Variants in MSL2 observed in about 807,000 individuals in gnomAD.
MSL2 encodes the protein E3 ubiquitin-protein ligase MSL2.
A neutral mutation model predicts 35.8 loss-of-function variants in MSL2; 2 were observed. That is an observed-to-expected ratio of 0.06 (90% CI 0.02 to 0.18). The LOEUF is 0.18. Ranked by LOEUF, MSL2 falls within the 10% of genes least tolerant of loss-of-function variation. The pLI, the probability that MSL2 is intolerant of heterozygous loss-of-function variation, is 1.00. For missense variants in MSL2, 523 were observed against 706.7 expected (o/e 0.74, Z 2.95); for synonymous variants, 296 against 255.7 (o/e 1.16, Z -1.50).
intron 1 of MSL2, among the ~76,000 whole-genome samples, chr3:136,188,262 C>T (rs932911429): frequency 6.6e-6 from 1 of 151,922 alleles, no homozygotes; most frequent in African/African-American, 2.4e-5. Context: ...GGTGAAACTC[C>T]GTGTCTACTA....
Position 136,149,174 on chromosome 3 carries a change from T to C in MSL2, c.*1973A>G, listed in dbSNP as rs1245501655. 1 of 151,832 alleles carries C rather than the reference T, an allele frequency of 6.6e-6. No individual in the cohort carries two copies. Among genetic ancestry groups the C allele is most frequent in the African/African-American group, 2.4e-5 (1 of 41,298 alleles). 9.4% of individuals were successfully genotyped at this position (151,832 alleles called of 1,614,324 possible). A position where few individuals can be genotyped will look rare whatever the true frequency, so the allele number is the denominator to read the frequency against. ...AAACTTGGGAAGCAATAAAGTACTCTATGAATTTTAAGATCATAATATTAG... is the reference window on the plus strand; with the variant it reads ...AAACTTGGGAAGCAATAAAGTACTCCATGAATTTTAAGATCATAATATTAG... On this transcript the variant is annotated 3_prime_UTR_variant, in exon 2 of 2. Coordinates refer to ENST00000309993, the MANE Select transcript of MSL2 (RefSeq NM_018133.4).
At position 136,185,955 on chromosome 3, in the gene MSL2, CA is replaced by C. The variant is rs923722457; in HGVS notation, c.142+9016del. Among the ~76,000 whole-genome samples the C allele has an allele frequency of 4.1e-4, 58 of 142,758 alleles. No homozygotes were observed. The East Asian group carries it at 5.1e-3, about 12-fold the overall frequency. The allele number at this position is 142,758 out of a possible 152,430, so 93.7% of individuals were successfully genotyped here. A position where few individuals can be genotyped will look rare whatever the true frequency, so the allele number is the denominator to read the frequency against. On this transcript the variant is annotated intron_variant, in intron 1 of 1. Coordinates refer to ENST00000309993, the MANE Select transcript of MSL2 (RefSeq NM_018133.4). The stretch of plus-strand genomic sequence containing the variant: ...AAGGTAACTTGGGGAAAATGGAAGC[CA>C]AAAAAAAAAATTGTTCTAAAAGAGG...
rs1939367498 is a variant in MSL2, at chr3:136,151,530, T to C, written c.1351A>G (p.Thr451Ala). ...TTTTCCTGGGGTTTTTTGTACACAG[T>C]CTTGGTAGGACTTCCTGGCATAAAA... ...HHFMPGSPTKTVYKKPQEKKG... is the reference protein window; with the variant it reads ...HHFMPGSPTKAVYKKPQEKKG... Residue 451 changes from threonine to alanine, a missense_variant, in exon 2 of 2, where the codon ACT (threonine) becomes GCT (alanine). Coordinates refer to ENST00000309993, the MANE Select transcript of MSL2 (RefSeq NM_018133.4). The surrounding 1 kb of genome is among the most constrained non-coding windows in gnomAD (Gnocchi z 5.2). 2.5e-6 allele frequency: 4 copies of C among 1,614,176 alleles called. No individual in the cohort carries two copies. Among genetic ancestry groups the C allele is most frequent in the Non-Finnish European group, 2.5e-6 (3 of 1,180,034 alleles).
rs1940826358 is a variant in MSL2, at chr3:136,195,769, G to A, written c.-656C>T. 1 of 985,010 alleles carries A rather than the reference G, an allele frequency of 1.0e-6. No homozygotes were observed. Among genetic ancestry groups the A allele is most frequent in the Non-Finnish European group, 1.2e-6 (1 of 829,812 alleles). 61.0% of individuals were successfully genotyped at this position (985,010 alleles called of 1,614,324 possible). A position where few individuals can be genotyped will look rare whatever the true frequency, so the allele number is the denominator to read the frequency against. ...TGCGCCCTGGCTCTCCGCCCCGTGG[G>A]TTGCAGCCCGCAGTTCCCCGAGGTG... On this transcript the variant is annotated 5_prime_UTR_variant, in exon 1 of 2. Transcript: ENST00000309993.
At chr3:136,162,380 G>T (rs1939733838) in intron 1 of MSL2, among the ~76,000 whole-genome samples, 1 of 151,280 alleles carries the variant, frequency 6.6e-6, no homozygotes, top group African/African-American at 2.4e-5. Context: ...TCAGGAGTTA[G>T]AAACCAGCCT....
At chr3:136,184,735 G>A (rs1186477566) in intron 1 of MSL2, among the ~76,000 whole-genome samples, 1 of 100,068 alleles carries the variant, frequency 1.0e-5, no homozygotes, top group African/African-American at 4.1e-5. Context: ...TTAGATAAAG[G>A]TTAAAAAAAA....
chr3:136,153,074 G>A, intron 1 of MSL2: 1 of 985,184 alleles, frequency 1.0e-6, no homozygotes, highest in Non-Finnish European at 1.2e-6. Context: ...GCACAAACTA[G>A]GGTTAAAACC....
chr3:136,165,174 C>A (rs1213527662), intron 1 of MSL2, among the ~76,000 whole-genome samples: 4 of 149,866 alleles, frequency 2.7e-5, no homozygotes, highest in African/African-American at 7.4e-5. Flanking sequence ...CCGCACAAGC[C>A]CAGACTTTTA....
At chr3:136,176,987 A>C (rs1404779001) in intron 1 of MSL2, among the ~76,000 whole-genome samples, 2 of 152,236 alleles carry the variant, frequency 1.3e-5, no homozygotes, top group Non-Finnish European at 2.9e-5. Context: ...GAACTCTCCT[A>C]AGACAGCACA....
At position 136,160,313 on chromosome 3, in the gene MSL2, GGGAGGGAGGGAA is replaced by G. The variant is rs1467271556; in HGVS notation, c.143-7587_143-7576del. On this transcript the variant is annotated intron_variant, in intron 1 of 1. Coordinates refer to ENST00000309993, the MANE Select transcript of MSL2 (RefSeq NM_018133.4). ...AAAAAAAAAAAGAGGGAAGGAAGGA[GGGAGGGAGGGAA>G]GGAGGGAAGGAAGGAGGGAGGGAGG... Among the ~76,000 whole-genome samples, 192 of 75,298 alleles carry G rather than the reference GGGAGGGAGGGAA, an allele frequency of 2.5e-3. 2 individuals are homozygous for G. The highest frequency in any genetic ancestry group is 4.6e-3 in the Non-Finnish European group (173 of 37,314). The allele number at this position is 75,298 out of a possible 152,430, so 49.4% of individuals were successfully genotyped here.
intron 1 of MSL2, among the ~76,000 whole-genome samples, chr3:136,193,508 A>G (rs911128382): frequency 6.6e-6 from 1 of 152,110 alleles, no homozygotes. Context: ...AAAAGAAAAA[A>G]AAAAGTATAT....
At position 136,151,794 on chromosome 3, in the gene MSL2, C is replaced by T; in HGVS notation, c.1087G>A (p.Gly363Ser). The change falls in exon 2 of 2, where the codon GGC becomes AGC. Residue 363 changes from glycine (G) to serine (S), a missense_variant. Around this residue, in one of 5 missense-constraint regions of MSL2, gnomAD observed 361 missense variants for 414.6 expected, o/e 0.87. Transcript: ENST00000309993. This position sits in a 1 kb window ranked among gnomAD's most constrained non-coding sequence, Gnocchi z 5.2. The part of the protein sequence containing the change: ...QPLPISTIIR[G>S]PTLGASAPVT... ...GGAGCAGATGCCCCCAGTGTTGGGC[C>T]TCGGATAATGGTAGAAATTGGAAGT... 1 of 1,614,122 alleles carries T rather than the reference C, an allele frequency of 6.2e-7. No homozygotes were observed. Among genetic ancestry groups the T allele is most frequent in the Non-Finnish European group, 8.5e-7 (1 of 1,180,016 alleles).
At position 136,152,224 on chromosome 3, in the gene MSL2, G is replaced by A. The variant is rs143786253; in HGVS notation, c.657C>T (p.Asp219=). 2.1e-4 allele frequency: 337 copies of A among 1,613,964 alleles called. No homozygotes were observed. Among genetic ancestry groups the A allele is most frequent in the Non-Finnish European group, 2.7e-4 (314 of 1,179,976 alleles). ...TTTTTATGTCAACAGTATTACATACGTCAATCGTATTTGAATGTTCAGGTG... is the reference window on the plus strand; with the variant it reads ...TTTTTATGTCAACAGTATTACATACATCAATCGTATTTGAATGTTCAGGTG... ...IPSPEHSNTI[D]VCNTVDIKTE... The change falls in exon 2 of 2, where the codon GAC becomes GAT. Residue 219 remains aspartate, a synonymous_variant. Coordinates refer to ENST00000309993, the MANE Select transcript of MSL2 (RefSeq NM_018133.4).
At chr3:136,171,626 C>CA (rs1268810885) in intron 1 of MSL2, among the ~76,000 whole-genome samples, 3 of 152,118 alleles carry the variant, frequency 2.0e-5, no homozygotes, top group East Asian at 1.9e-4. Flanking sequence ...TGTAACTGTC[C>CA]AAGTCTGACA....
chr3:136,193,961 T>G (rs977080551), intron 1 of MSL2, among the ~76,000 whole-genome samples: 1 of 152,236 alleles, frequency 6.6e-6, no homozygotes, highest in African/African-American at 2.4e-5. Flanking sequence ...GAATATTATT[T>G]CTCCCTTCAG....
intron 1 of MSL2, among the ~76,000 whole-genome samples, chr3:136,168,503 A>ACACAAGAACACAAAAC (rs569516992): frequency 2.6e-5 from 4 of 152,134 alleles, no homozygotes; most frequent in Non-Finnish European, 5.9e-5. Context: ...CAGCAAACTA[A>ACACAAGAACACAAAAC]CACAAGAACA....
chr3:136,191,350 C>T lies in MSL2; in HGVS notation c.142+3622G>A, dbSNP rs182296710. On this transcript the variant is annotated intron_variant, in intron 1 of 1. Transcript: ENST00000309993. ...GGTGTGGTGGCGTGAGTCTGTAATC[C>T]CAAGCTACTCGGGAAGCTGAGGCAG... is the stretch of plus-strand genomic sequence containing the variant. 3.5e-3 allele frequency among the ~76,000 whole-genome samples: 533 copies of T among 151,936 alleles called. 7 individuals carry two copies. The East Asian group carries it at 0.048, about 14-fold the overall frequency.
chr3:136,158,798 A>G (rs1032869271), intron 1 of MSL2, among the ~76,000 whole-genome samples: 2 of 152,228 alleles, frequency 1.3e-5, no homozygotes, highest in Admixed American at 6.5e-5. Flanking sequence ...ACAAAAGTCC[A>G]CTGCATTTTC....
chr3:136,159,113 G>A (rs1308844277), intron 1 of MSL2, among the ~76,000 whole-genome samples: 3 of 151,982 alleles, frequency 2.0e-5, no homozygotes, highest in African/African-American at 7.3e-5. Flanking sequence ...AAATTCATAT[G>A]GAATCACAGA....
Sources: allele counts gnomAD v4.1 joint callset (sites outside exome capture counted in the v4.1 genomes callset), GRCh38; gene constraint gnomAD v4.1.1; regional missense constraint gnomAD v4.1.1; non-coding constraint Gnocchi (gnomAD v3.1); transcripts MANE v1.5; gene names NCBI Gene and HGNC (gene_info 2026-07-23, HGNC 2026-07-21).